FSTL5: variants seen among roughly 807,000 people sequenced by gnomAD.
FSTL5 encodes follistatin like 5.
In FSTL5, 62 loss-of-function variants were observed where a neutral mutation model predicts 89.1. The observed-to-expected ratio is 0.70, with a 90% confidence interval of 0.57 to 0.86. FSTL5 has a LOEUF of 0.86. Ranked by LOEUF, FSTL5 falls within the 40% of genes least tolerant of loss-of-function variation. FSTL5 has a pLI of 0.00. For missense variants in FSTL5, 1,057 were observed against 1,001.6 expected, an observed-to-expected ratio of 1.06 and a Z score of -0.75; for synonymous variants, 383 against 346.2, an observed-to-expected ratio of 1.11 and a Z score of -1.18.
intron 12 of FSTL5, among the ~76,000 whole-genome samples, chr4:161,489,306 T>C (rs1729787203): frequency 6.6e-6 from 1 of 152,076 alleles, no homozygotes; most frequent in African/African-American, 2.4e-5. Context: ...AGGCAGGCAC[T>C]TAATGTCTGT....
At chr4:161,456,085 C>T (rs1733342284) in intron 14 of FSTL5, among the ~76,000 whole-genome samples, 2 of 151,792 alleles carry the variant, frequency 1.3e-5, no homozygotes, top group African/African-American at 4.8e-5. Flanking sequence ...CATCGGAATC[C>T]CTCCTGGCTG....
intron 4 of FSTL5, among the ~76,000 whole-genome samples, chr4:161,848,093 T>C (rs1343190562): frequency 6.6e-6 from 1 of 151,384 alleles, no homozygotes; most frequent in African/African-American, 2.4e-5. Context: ...ATGAATTTCT[T>C]TCATGATGTC....
chr4:162,045,099 G>C (rs1738120714), intron 2 of FSTL5, among the ~76,000 whole-genome samples: 2 of 152,068 alleles, frequency 1.3e-5, no homozygotes, highest in Non-Finnish European at 2.9e-5. Flanking sequence ...GGTGCAAGAG[G>C]CTTAGCTTTC....
intron 3 of FSTL5, among the ~76,000 whole-genome samples, chr4:161,984,386 C>T (rs1032857260): frequency 4.6e-5 from 7 of 151,796 alleles, no homozygotes; most frequent in Non-Finnish European, 7.4e-5. Flanking sequence ...ATGTTGTATT[C>T]ATGTTAAAAA....
intron 7 of FSTL5, among the ~76,000 whole-genome samples, chr4:161,591,883 T>C (rs1245411577): frequency 6.6e-6 from 1 of 152,224 alleles, no homozygotes; most frequent in Non-Finnish European, 1.5e-5. Context: ...AGGAAGCTAC[T>C]AGTTCCATTT....
chr4:161,878,419 T>C (rs1732517908), intron 4 of FSTL5, among the ~76,000 whole-genome samples: 1 of 152,144 alleles, frequency 6.6e-6, no homozygotes, highest in African/African-American at 2.4e-5. Context: ...ACTTTAATAG[T>C]CTATGTAATT....
chr4:161,727,642 C>A (rs1338193836), intron 6 of FSTL5, among the ~76,000 whole-genome samples: 1 of 152,092 alleles, frequency 6.6e-6, no homozygotes, highest in Non-Finnish European at 1.5e-5. Flanking sequence ...GAATTTGGTG[C>A]CATTTTTTCC....
intron 3 of FSTL5, among the ~76,000 whole-genome samples, chr4:162,006,696 A>G (rs945305014): frequency 2.0e-5 from 3 of 151,846 alleles, no homozygotes; most frequent in Non-Finnish European, 4.4e-5. Flanking sequence ...AATTTCTTTT[A>G]TTTTGCCTCA....
At chr4:161,470,609 T>C (rs1733902445) in intron 13 of FSTL5, among the ~76,000 whole-genome samples, 1 of 147,424 alleles carries the variant, frequency 6.8e-6, no homozygotes, top group Non-Finnish European at 1.5e-5. Flanking sequence ...AAGATGAGCT[T>C]CTCTATTTCT....
chr4:161,541,451 G>A (rs2126543442), intron 9 of FSTL5, among the ~76,000 whole-genome samples: 1 of 151,406 alleles, frequency 6.6e-6, no homozygotes, highest in South Asian at 2.1e-4. Flanking sequence ...CTGTTAATAA[G>A]TCTTCTCCTC....
chr4:161,550,980 T>A (rs1732189692), intron 8 of FSTL5, among the ~76,000 whole-genome samples: 1 of 150,352 alleles, frequency 6.7e-6, no homozygotes. Context: ...ATCCAGTCTA[T>A]CATTGTTGGA....
At chr4:161,779,457 T>C (rs909235159) in intron 4 of FSTL5, among the ~76,000 whole-genome samples, 2 of 151,768 alleles carry the variant, frequency 1.3e-5, no homozygotes, top group Non-Finnish European at 2.9e-5. Flanking sequence ...GTCAGAAACT[T>C]TACACATATT....
rs567280908 is a variant in FSTL5, at chr4:161,395,542, T to C, written c.1842-9093A>G. 2.6e-5 allele frequency among the ~76,000 whole-genome samples: 4 copies of C among 152,264 alleles called. No homozygotes were observed. The South Asian group carries it at 6.2e-4, about 24-fold the overall frequency. On this transcript the variant is annotated intron_variant, in intron 15 of 15. Coordinates refer to ENST00000306100, the MANE Select transcript of FSTL5 (RefSeq NM_020116.5). ...ACTCTTTCAAAATATTAACATTTTA[T>C]AATTAGATTGGCTGATTCTAAAATC...
At chr4:161,720,704 C>A (rs926514594) in intron 6 of FSTL5, among the ~76,000 whole-genome samples, 1 of 152,138 alleles carries the variant, frequency 6.6e-6, no homozygotes, top group Non-Finnish European at 1.5e-5. Flanking sequence ...ATAAATCCCA[C>A]CATTTGCCAC....
At chr4:162,161,068 T>C (rs72988821) in intron 1 of FSTL5, among the ~76,000 whole-genome samples, 7,938 of 151,972 alleles carry the variant, frequency 0.052, 429 homozygotes, top group African/African-American at 0.13. Flanking sequence ...AATTAAATTA[T>C]TTTGATAATT....
At chr4:161,930,894 ACG>A (rs1375082302) in intron 3 of FSTL5, among the ~76,000 whole-genome samples, 1 of 151,864 alleles carries the variant, frequency 6.6e-6, no homozygotes, top group Non-Finnish European at 1.5e-5. Flanking sequence ...AGCAAAAGAC[ACG>A]GAGTCAATCT....
intron 4 of FSTL5, among the ~76,000 whole-genome samples, chr4:161,800,092 T>C (rs1729748594): frequency 6.6e-6 from 1 of 151,656 alleles, no homozygotes; most frequent in South Asian, 2.1e-4. Context: ...TTTAACACTG[T>C]GGTAAGATTC....
chr4:161,973,725 G>C (rs1003191239), intron 3 of FSTL5, among the ~76,000 whole-genome samples: 8 of 152,258 alleles, frequency 5.3e-5, no homozygotes, highest in Non-Finnish European at 8.8e-5. Flanking sequence ...TGACAAGAGA[G>C]TGGAAAAATC....
At position 161,762,975 on chromosome 4, in the gene FSTL5, T is replaced by G. The variant is rs6846449; in HGVS notation, c.607-3444A>C. Among the ~76,000 whole-genome samples, 1,163 of 152,290 alleles carry G rather than the reference T, an allele frequency of 7.6e-3. 15 individuals carry two copies. The highest frequency in any genetic ancestry group is 0.026 in the African/African-American group (1,090 of 41,562). On this transcript the variant is annotated intron_variant, in intron 5 of 15. Coordinates refer to ENST00000306100, the MANE Select transcript of FSTL5 (RefSeq NM_020116.5). ...ATTTTGAACTTCAATGTAATAGAAA[T>G]GTCAAAGTTGCACAAGGACTGTAAC...
Sources: gnomAD v4.1 joint callset for allele counts (sites outside exome capture counted in the v4.1 genomes callset) on GRCh38, gnomAD v4.1.1 for gene constraint, MANE v1.5 for transcripts, NCBI Gene and HGNC (gene_info 2026-07-23, HGNC 2026-07-21) for gene names.